CAMTA1: variants seen among roughly 807,000 people sequenced by gnomAD.
The protein encoded by CAMTA1 is calmodulin-binding transcription activator 1.
In CAMTA1, 27 loss-of-function variants were observed where a neutral mutation model predicts 170.9. The observed-to-expected ratio is 0.16, with a 90% CI of 0.12 to 0.22. The LOEUF (loss-of-function observed/expected upper bound fraction) is 0.22, where lower values mean the gene tolerates loss of function less well. Among genes scored for constraint, CAMTA1 ranks in the 10% least tolerant of loss-of-function variants. CAMTA1 has a pLI of 1.00. For synonymous variants in CAMTA1, 833 were observed against 891.5 expected (o/e 0.93, Z 1.17); for missense variants, 1,619 against 2,217.2 (o/e 0.73, Z 5.42).
intron 5 of CAMTA1, among the ~76,000 whole-genome samples, chr1:7,289,926 G>T (rs1177749957): frequency 6.6e-6 from 1 of 152,146 alleles, no homozygotes; most frequent in Non-Finnish European, 1.5e-5. Flanking sequence ...GAGAGGGTGT[G>T]GTCTTTACCA....
At chr1:7,374,501 A>G (rs2086703554) in intron 5 of CAMTA1, among the ~76,000 whole-genome samples, 1 of 152,264 alleles carries the variant, frequency 6.6e-6, no homozygotes, top group Non-Finnish European at 1.5e-5. Context: ...ATGACAAAAA[A>G]TTCTGCCTAG....
chr1:7,107,347 A>G (rs1022686289), intron 4 of CAMTA1, among the ~76,000 whole-genome samples: 4 of 151,386 alleles, frequency 2.6e-5, no homozygotes, highest in Non-Finnish European at 5.9e-5. Context: ...AATGGGGCCA[A>G]GATCAATTGG....
chr1:7,361,348 T>A (rs1216878869), intron 5 of CAMTA1, among the ~76,000 whole-genome samples: 3 of 152,168 alleles, frequency 2.0e-5, no homozygotes, highest in South Asian at 4.2e-4. Context: ...CCCAGTGTCA[T>A]GGAACTAAGA....
At chr1:6,982,762 C>T (rs942514217) in intron 3 of CAMTA1, among the ~76,000 whole-genome samples, 3 of 151,954 alleles carry the variant, frequency 2.0e-5, no homozygotes, top group African/African-American at 7.2e-5. Context: ...GGGATCCTCG[C>T]TCAGCCCTCT....
intron 1 of CAMTA1, among the ~76,000 whole-genome samples, chr1:6,796,353 G>A (rs1642523411): frequency 6.6e-6 from 1 of 151,950 alleles, no homozygotes; most frequent in Non-Finnish European, 1.5e-5. Context: ...GCCCAGGCTG[G>A]TCTCCAACTT....
intron 1 of CAMTA1, among the ~76,000 whole-genome samples, chr1:6,799,366 G>A (rs1643369500): frequency 6.6e-6 from 1 of 152,228 alleles, no homozygotes; most frequent in Non-Finnish European, 1.5e-5. Flanking sequence ...GCTGTGCCTG[G>A]CTTGTACTCT....
intron 5 of CAMTA1, among the ~76,000 whole-genome samples, chr1:7,407,847 A>T (rs2090411090): frequency 6.6e-6 from 1 of 152,040 alleles, no homozygotes; most frequent in Admixed American, 6.5e-5. Context: ...ACAGTCCCCC[A>T]GGAAGGGAGG....
intron 6 of CAMTA1, among the ~76,000 whole-genome samples, chr1:7,492,586 T>C (rs2093722445): frequency 1.4e-5 from 2 of 143,214 alleles, no homozygotes; most frequent in South Asian, 2.2e-4. Context: ...CAAACCTACA[T>C]ACACACACGC....
chr1:7,526,354 C>T (rs913236081), intron 6 of CAMTA1, among the ~76,000 whole-genome samples: 1 of 152,282 alleles, frequency 6.6e-6, no homozygotes, highest in African/African-American at 2.4e-5. Context: ...ACCTCTGCTT[C>T]TCCTTCCTAA....
intron 3 of CAMTA1, among the ~76,000 whole-genome samples, chr1:6,912,581 G>A (rs1001207175): frequency 2.6e-5 from 4 of 152,200 alleles, no homozygotes; most frequent in East Asian, 1.9e-4. Context: ...TCATGTTTCC[G>A]TTAGATAACT....
chr1:6,840,999 A>G (rs1443437095), intron 3 of CAMTA1, among the ~76,000 whole-genome samples: 4 of 152,240 alleles, frequency 2.6e-5, no homozygotes, highest in Non-Finnish European at 5.9e-5. Context: ...TCAGGGTGCC[A>G]GCAGGGCCAT....
intron 5 of CAMTA1, among the ~76,000 whole-genome samples, chr1:7,467,040 G>A (rs1201735728): frequency 1.3e-5 from 2 of 152,008 alleles, no homozygotes; most frequent in Non-Finnish European, 2.9e-5. Context: ...AGAGCAGGGC[G>A]GCCTTCCTCA....
At chr1:6,916,143 C>T (rs1557820183) in intron 3 of CAMTA1, among the ~76,000 whole-genome samples, 1 of 152,144 alleles carries the variant, frequency 6.6e-6, no homozygotes, top group Non-Finnish European at 1.5e-5. Flanking sequence ...TCTTTGTGTT[C>T]TTCCTCTTTG....
chr1:7,217,228 G>A lies in CAMTA1; in HGVS notation c.303-32263G>A, dbSNP rs1041401561. On this transcript the variant is annotated intron_variant, in intron 4 of 22. Transcript: ENST00000303635. The stretch of plus-strand genomic sequence containing the variant: ...ATAAGGGGCTTCTCCCCCTTTGCTC[G>A]GCACTTCTCTCTCCTGTCGCCATGT... 5.1e-4 allele frequency among the ~76,000 whole-genome samples: 77 copies of A among 152,194 alleles called. 2 individuals carry two copies. Among genetic ancestry groups the A allele is most frequent in the Middle Eastern group, 6.8e-3 (2 of 294 alleles).
chr1:7,319,460 G>A lies in CAMTA1; in HGVS notation c.438+69834G>A, dbSNP rs116206944. Among the ~76,000 whole-genome samples the A allele has an allele frequency of 6.6e-3, 1,001 of 152,256 alleles. 2 individuals carry two copies. Among genetic ancestry groups the A allele is most frequent in the Non-Finnish European group, 0.011 (764 of 68,022 alleles). On this transcript the variant is annotated intron_variant, in intron 5 of 22. Transcript: ENST00000303635. ...CATGTGAAATGCCTGTTCCTGCTGTGCCTTCTGCCATGATTGTAAGTTCCC... is the reference window on the plus strand; with the variant it reads ...CATGTGAAATGCCTGTTCCTGCTGTACCTTCTGCCATGATTGTAAGTTCCC...
At chr1:7,288,544 G>A (rs987976867) in intron 5 of CAMTA1, among the ~76,000 whole-genome samples, 1 of 152,224 alleles carries the variant, frequency 6.6e-6, no homozygotes, top group African/African-American at 2.4e-5. Flanking sequence ...GCATGGAAGA[G>A]GAGAGGCAGG....
intron 3 of CAMTA1, among the ~76,000 whole-genome samples, chr1:7,051,460 G>A: frequency 6.6e-6 from 1 of 152,216 alleles, no homozygotes; most frequent in Admixed American, 6.5e-5. Context: ...AGGTGGGGCT[G>A]CACGGACGGA....
intron 3 of CAMTA1, among the ~76,000 whole-genome samples, chr1:6,926,894 C>A (rs1683394702): frequency 6.6e-6 from 1 of 152,024 alleles, no homozygotes; most frequent in Non-Finnish European, 1.5e-5. Context: ...CCATGCCCAG[C>A]TAACTCTTTA....
chr1:7,689,267 C>CAA lies in CAMTA1; in HGVS notation c.2914+11548_2914+11549dup, dbSNP rs371037487. ...GGATGACAAAAGTGAAACTCCTTCT[C>CAA]AAAAAAAAAAAAAAATCAGTGGCAA... On this transcript the variant is annotated intron_variant, in intron 11 of 22. Coordinates refer to ENST00000303635, the MANE Select transcript of CAMTA1 (RefSeq NM_015215.4). Among the ~76,000 whole-genome samples the CAA allele has an allele frequency of 7.4e-3, 973 of 132,052 alleles. 19 individuals are homozygous for CAA. The highest frequency in any genetic ancestry group is 0.026 in the African/African-American group (901 of 34,796). 86.6% of individuals were successfully genotyped at this position (132,052 alleles called of 152,430 possible). A position where few individuals can be genotyped will look rare whatever the true frequency, so the allele number is the denominator to read the frequency against.
Sources: allele counts gnomAD v4.1 joint callset (sites outside exome capture counted in the v4.1 genomes callset), GRCh38; gene constraint gnomAD v4.1.1; transcripts MANE v1.5; gene names NCBI Gene and HGNC (gene_info 2026-07-23, HGNC 2026-07-21).